The following TDO2 variants were observed in gnomAD, a reference collection of about 807,000 sequenced individuals.
TDO2 encodes tryptophan 2,3-dioxygenase, also known as tryptamin 2,3-dioxygenase.
A neutral mutation model predicts 61.2 loss-of-function variants in TDO2; 63 were observed. The observed-to-expected ratio is 1.03, with a 90% CI of 0.84 to 1.27. The LOEUF is 1.27. Among genes scored for constraint, TDO2 ranks in the 50% most tolerant of loss-of-function variants. The pLI is 0.00. For synonymous variants in TDO2, 183 were observed against 164.0 expected (o/e 1.12, Z -0.89); for missense variants, 494 against 469.5 (o/e 1.05, Z -0.48).
Position 155,917,492 on chromosome 4 carries a change from A to AT in TDO2, c.976+18_976+19insT. 1 of 1,589,642 alleles carries AT rather than the reference A, an allele frequency of 6.3e-7. No homozygotes were observed. Among genetic ancestry groups the AT allele is most frequent in the African/African-American group, 1.4e-5 (1 of 73,676 alleles). Reference sequence around the variant, plus strand: ...ATGGAGATGTAAGTCCTTCCCACTCACCCCATGTTGCTTCCCCACATGCTG... The same window carrying AT: ...ATGGAGATGTAAGTCCTTCCCACTCATCCCCATGTTGCTTCCCCACATGCTG... On this transcript the variant is annotated intron_variant, in intron 10 of 11. Coordinates refer to ENST00000536354, the MANE Select transcript of TDO2 (RefSeq NM_005651.4).
In TDO2 at chr4:155,920,229, C is replaced by A; in HGVS notation, c.*239C>A. The stretch of plus-strand genomic sequence containing the variant: ...ATAGGGTGTTTTCCTATTAAAAATT[C>A]AGTTTCCCCTGAGACTTAATGTAAC... On this transcript the variant is annotated 3_prime_UTR_variant, in exon 12 of 12. Transcript: ENST00000536354. 2.1e-6 allele frequency: 1 copy of A among 466,994 alleles called. No homozygotes were observed. The highest frequency in any genetic ancestry group is 3.8e-6 in the Non-Finnish European group (1 of 265,694). 28.9% of individuals were successfully genotyped at this position (466,994 alleles called of 1,614,324 possible).
At chr4:155,908,002 T>C (rs373582388) in intron 4 of TDO2, among the ~76,000 whole-genome samples, 5 of 152,214 alleles carry the variant, frequency 3.3e-5, no homozygotes, top group African/African-American at 1.2e-4. Flanking sequence ...CTTTCAAATT[T>C]CAGTTTCAAG....
chr4:155,919,982 T>A lies in TDO2; in HGVS notation c.1213T>A (p.Ser405Thr). The A allele has an allele frequency of 6.2e-7, 1 of 1,612,826 alleles. No individual in the cohort carries two copies. The highest frequency in any genetic ancestry group is 8.5e-7 in the Non-Finnish European group (1 of 1,179,568). ...TAGCTCCTACTTCAGCAGTGATGAA[T>A]CAGATTAAAATCGTCTGCAAAATCT... is the stretch of plus-strand genomic sequence containing the variant. ...CDSSYFSSDE[S>T]D The change falls in exon 12 of 12, where the codon TCA becomes ACA. Residue 405 changes from serine (S) to threonine (T), a missense_variant. Ser to Thr is a moderately conservative substitution (Grantham distance 58, BLOSUM62 1). Transcript: ENST00000536354.
rs773872597 is a variant in TDO2 at position 155,918,138 on chromosome 4, TG to T, written c.977-10del. The T allele has an allele frequency of 1.2e-6, 2 of 1,612,344 alleles. No homozygotes were observed. Among genetic ancestry groups the T allele is most frequent in the South Asian group, 2.2e-5 (2 of 90,692 alleles). ...AAAATATCCATGGAGTAAATTTGTA[TG>T]TTTGCCTAGATAACCATGTGTGCAT... On this transcript the variant is annotated splice_polypyrimidine_tract_variant and intron_variant, in intron 10 of 11. Transcript: ENST00000536354.
intron 10 of TDO2, 22 bp downstream of exon 10, chr4:155,917,496 CAT>C: frequency 1.3e-6 from 2 of 1,583,538 alleles, no homozygotes; most frequent in South Asian, 2.3e-5. Context: ...CCACTCACCC[CAT>C]GTTGCTTCCC....
At chr4:155,904,686 T>A (rs562640213) in intron 2 of TDO2, among the ~76,000 whole-genome samples, 91 of 152,252 alleles carry the variant, frequency 6.0e-4, no homozygotes, top group Admixed American at 1.3e-3. Context: ...TTTCTAAGGA[T>A]TAACTGATAA....
intron 11 of TDO2, among the ~76,000 whole-genome samples, chr4:155,919,620 T>G (rs1458867806): frequency 6.6e-6 from 1 of 152,106 alleles, no homozygotes; most frequent in Non-Finnish European, 1.5e-5. Flanking sequence ...CATAATACTG[T>G]TTTATGGGCA....
chr4:155,910,275 A>AT, intron 6 of TDO2, 64 bp downstream of exon 6: 1 of 1,342,958 alleles, frequency 7.4e-7, no homozygotes, highest in Non-Finnish European at 1.0e-6. Context: ...CTTTTGCTAA[A>AT]TCAGAATTTT....
In TDO2 at chr4:155,918,241, T is replaced by C; in HGVS notation, c.1067+2T>C. 1.2e-6 allele frequency: 2 copies of C among 1,613,716 alleles called. No homozygotes were observed. Among genetic ancestry groups the C allele is most frequent in the African/African-American group, 1.3e-5 (1 of 75,012 alleles). On this transcript the variant is annotated splice_donor_variant, in intron 11 of 11. Coordinates refer to ENST00000536354, the MANE Select transcript of TDO2 (RefSeq NM_005651.4). LOFTEE classifies it high-confidence loss of function. The stretch of plus-strand genomic sequence containing the variant: ...TCACTACCTGCGATCAACTGTGAGG[T>C]AGGTGGGGAAATTCTCCTTTCTTCC...
intron 10 of TDO2, 81 bp from the exon 11 acceptor site, chr4:155,918,068 A>T: frequency 7.3e-7 from 1 of 1,367,620 alleles, no homozygotes; most frequent in South Asian, 1.3e-5. Context: ...AGCAATTATC[A>T]TTACCAACCC....
chr4:155,905,346 T>C, intron 3 of TDO2, 189 bp downstream of exon 3: 1 of 506,658 alleles, frequency 2.0e-6, no homozygotes, highest in Non-Finnish European at 3.4e-6. Context: ...GTCTTCTTTA[T>C]GTTACTCCTC....
At chr4:155,916,170 T>G (rs1214734160) in intron 9 of TDO2, among the ~76,000 whole-genome samples, 2 of 142,214 alleles carry the variant, frequency 1.4e-5, no homozygotes, top group Non-Finnish European at 3.1e-5. Flanking sequence ...TATCCTTTTT[T>G]TTTTTTTTTT....
intron 9 of TDO2, among the ~76,000 whole-genome samples, chr4:155,916,858 T>G (rs561042327): frequency 6.6e-6 from 1 of 152,300 alleles, no homozygotes; most frequent in South Asian, 2.1e-4. Context: ...AAACAAAATC[T>G]TTTGACTTTT....
At chr4:155,909,157 T>C in intron 5 of TDO2, 143 bp downstream of exon 5, 3 of 619,168 alleles carry the variant, frequency 4.8e-6, no homozygotes, top group Non-Finnish European at 7.3e-6. Context: ...GGGTCTTCGA[T>C]CACAAAGCAT....
chr4:155,903,927 A>G (rs1348981789), intron 1 of TDO2, 91 bp from the exon 2 acceptor site: 1 of 1,497,782 alleles, frequency 6.7e-7, no homozygotes, highest in East Asian at 2.3e-5. Flanking sequence ...CTCTAAAGAA[A>G]ATTTGCAATG....
Position 155,905,096 on chromosome 4 carries a change from G to T in TDO2, c.171G>T (p.Leu57=). The T allele has an allele frequency of 1.3e-6, 2 of 1,599,472 alleles. No homozygotes were observed. The highest frequency in any genetic ancestry group is 1.7e-6 in the Non-Finnish European group (2 of 1,174,110). The change falls in exon 3 of 12, where the codon CTG becomes CTT. Residue 57 remains leucine, a synonymous_variant. Transcript: ENST00000536354. ...AAAAAGTTTTGAATGCACAAGAACT[G>T]CAAAGTGAAACAAAAGGAAATAAAA... is the stretch of plus-strand genomic sequence containing the variant. The part of the protein sequence containing the change: ...HLEKVLNAQE[L]QSETKGNKIH...
intron 5 of TDO2, 68 bp downstream of exon 5, chr4:155,909,082 G>T: frequency 2.7e-6 from 4 of 1,465,716 alleles, no homozygotes; most frequent in Non-Finnish European, 3.6e-6. Flanking sequence ...GGTAAAAGCA[G>T]CATGTGTGTG....
At chr4:155,904,937 G>T (rs768035869) in intron 2 of TDO2, 130 bp from the exon 3 acceptor site, 1 of 601,406 alleles carries the variant, frequency 1.7e-6, no homozygotes, top group Non-Finnish European at 2.9e-6. Context: ...TTGTTTAAAA[G>T]AAACTAGATT....
chr4:155,911,415 G>A (rs1371757878), intron 6 of TDO2, 82 bp from the exon 7 acceptor site: 3 of 936,520 alleles, frequency 3.2e-6, no homozygotes, highest in South Asian at 1.9e-5. Flanking sequence ...AAGATTTCTT[G>A]TTTTAAGTTT....
Sources: allele counts gnomAD v4.1 joint callset (sites outside exome capture counted in the v4.1 genomes callset), GRCh38; gene constraint gnomAD v4.1.1; transcripts MANE v1.5; gene names NCBI Gene and HGNC (gene_info 2026-07-23, HGNC 2026-07-21).